FBXO9: variants seen among roughly 807,000 people sequenced by gnomAD.
FBXO9 encodes F-box only protein 9.
FBXO9 carries 43 observed loss-of-function variants against 63.7 expected under a neutral mutation model. That is an observed-to-expected ratio of 0.67 (90% CI 0.53 to 0.87). The LOEUF (loss-of-function observed/expected upper bound fraction) is 0.87. Among genes scored for constraint, FBXO9 ranks in the 40% least tolerant of loss-of-function variants. FBXO9 has a pLI of 0.00. For missense variants in FBXO9, 442 were observed against 533.2 expected (o/e 0.83, Z 1.68); for synonymous variants, 156 against 171.7 (o/e 0.91, Z 0.72).
chr6:53,068,172 A>C (rs1455051899), intron 1 of FBXO9, among the ~76,000 whole-genome samples: 1 of 152,172 alleles, frequency 6.6e-6, no homozygotes, highest in Non-Finnish European at 1.5e-5. Context: ...AGTAAAATTA[A>C]ATGGGTTTTA....
rs373071282 is a variant in FBXO9 at position 53,093,887 on chromosome 6, C to G, written c.962C>G (p.Thr321Ser). The G allele has an allele frequency of 9.8e-6, 15 of 1,531,864 alleles. No homozygotes were observed. The highest frequency in any genetic ancestry group is 1.3e-5 in the Non-Finnish European group (15 of 1,136,734). 94.9% of individuals were successfully genotyped at this position (1,531,864 alleles called of 1,614,324 possible). ...VPRLRTRNTR[T>S]DAILLGHYRL... ...TCAATTTGTTTTTTTTTTTTAAGGACTGATGCAATTCTACTGGGTCACTAT... is the reference window on the plus strand; with the variant it reads ...TCAATTTGTTTTTTTTTTTTAAGGAGTGATGCAATTCTACTGGGTCACTAT... The change falls in exon 11 of 13, where the codon ACT becomes AGT. Residue 321 changes from threonine to serine, a missense_variant and splice_region_variant. Coordinates refer to ENST00000323557, the MANE Select transcript of FBXO9 (RefSeq NM_033480.3).
rs2127502218 is a variant in FBXO9 at position 53,099,241 on chromosome 6, A to C, written c.*1411A>C. On this transcript the variant is annotated 3_prime_UTR_variant, in exon 13 of 13. Transcript: ENST00000323557. Reference sequence around the variant, plus strand: ...GTCTCTACAAAAAAAAAAAAAAAAAAAATTAGCCAAGTACAGTGGGGCACA... The same window carrying C: ...GTCTCTACAAAAAAAAAAAAAAAAACAATTAGCCAAGTACAGTGGGGCACA... The C allele has an allele frequency of 6.6e-6, 1 of 152,060 alleles. No individual in the cohort carries two copies. Among genetic ancestry groups the C allele is most frequent in the East Asian group, 1.9e-4 (1 of 5,162 alleles). The allele number at this position is 152,060 out of a possible 1,614,324, so 9.4% of individuals were successfully genotyped here.
chr6:53,071,169 A>AT (rs1339399289), intron 2 of FBXO9, 26 bp downstream of exon 2: 3 of 1,543,486 alleles, frequency 1.9e-6, no homozygotes, highest in Non-Finnish European at 2.6e-6. Context: ...TGTGTCTTTG[A>AT]TTTTTATTCC....
intron 12 of FBXO9, among the ~76,000 whole-genome samples, chr6:53,096,663 G>A (rs944879844): frequency 6.6e-6 from 1 of 152,016 alleles, no homozygotes; most frequent in Non-Finnish European, 1.5e-5. Flanking sequence ...CCAGGACTTT[G>A]GGGGGCCAAG....
chr6:53,078,958 C>T (rs1308874843), intron 5 of FBXO9, 60 bp downstream of exon 5: 7 of 1,204,974 alleles, frequency 5.8e-6, no homozygotes, highest in Non-Finnish European at 8.6e-6. Context: ...AGCATCTTTG[C>T]CCTGTTGACT....
At chr6:53,066,224 GA>G in intron 1 of FBXO9, 1 of 894,044 alleles carries the variant, frequency 1.1e-6, no homozygotes, top group Non-Finnish European at 1.3e-6. Flanking sequence ...CTCTTCTGCG[GA>G]AAAGCCAGGC....
intron 1 of FBXO9, among the ~76,000 whole-genome samples, chr6:53,067,574 T>G (rs904006334): frequency 6.6e-6 from 1 of 151,926 alleles, no homozygotes; most frequent in Non-Finnish European, 1.5e-5. Flanking sequence ...CAGGGGAAGC[T>G]CTTGAAGTCA....
intron 4 of FBXO9, among the ~76,000 whole-genome samples, chr6:53,078,412 C>G (rs558702434): frequency 6.6e-6 from 1 of 152,126 alleles, no homozygotes; most frequent in Admixed American, 6.5e-5. Flanking sequence ...GAGCCAAGAT[C>G]GTGCCAACTG....
At chr6:53,070,165 T>G (rs2127487115) in intron 1 of FBXO9, among the ~76,000 whole-genome samples, 1 of 151,514 alleles carries the variant, frequency 6.6e-6, no homozygotes, top group Non-Finnish European at 1.5e-5. Flanking sequence ...ACCACAGGCG[T>G]GTACCACCAC....
At position 53,100,700 on chromosome 6, in the gene FBXO9, A is replaced by G. The variant is rs1763324709; in HGVS notation, c.*2870A>G. On this transcript the variant is annotated 3_prime_UTR_variant, in exon 13 of 13. Transcript: ENST00000323557. ...TGTGCATCTATAAAAATGGGATTAT[A>G]TTGTACAGAATGCTTTGTAAGCTTT... The G allele has an allele frequency of 2.0e-5, 3 of 152,196 alleles. No individual in the cohort carries two copies. Among genetic ancestry groups the G allele is most frequent in the Admixed American group, 2.0e-4 (3 of 15,286 alleles). 9.4% of individuals were successfully genotyped at this position (152,196 alleles called of 1,614,324 possible). A position where few individuals can be genotyped will look rare whatever the true frequency, so the allele number is the denominator to read the frequency against.
At chr6:53,073,407 G>A in intron 2 of FBXO9, 74 bp from the exon 3 acceptor site, 1 of 1,231,968 alleles carries the variant, frequency 8.1e-7, no homozygotes, top group East Asian at 2.3e-5. Flanking sequence ...GATAGATGTT[G>A]GACATATTGA....
chr6:53,098,683 G>A lies in FBXO9; in HGVS notation c.*853G>A, dbSNP rs543409871. The A allele has an allele frequency of 7.2e-5, 11 of 152,160 alleles. No individual in the cohort carries two copies. Among genetic ancestry groups the A allele is most frequent in the Non-Finnish European group, 1.5e-4 (10 of 68,046 alleles). 9.4% of individuals were successfully genotyped at this position (152,160 alleles called of 1,614,324 possible). On this transcript the variant is annotated 3_prime_UTR_variant, in exon 13 of 13. Coordinates refer to ENST00000323557, the MANE Select transcript of FBXO9 (RefSeq NM_033480.3). ...TCATGTAGGCACCTTACCAATATATGACATTAAGTGAGAGTGAATCCCTTA... is the reference window on the plus strand; with the variant it reads ...TCATGTAGGCACCTTACCAATATATAACATTAAGTGAGAGTGAATCCCTTA...
At chr6:53,090,360 CTTGTAA>C (rs1460888997) in intron 7 of FBXO9, among the ~76,000 whole-genome samples, 1 of 152,158 alleles carries the variant, frequency 6.6e-6, no homozygotes, top group East Asian at 1.9e-4. Context: ...ATTCCATTAA[CTTGTAA>C]TTGTATGTGA....
chr6:53,076,546 A>G lies in FBXO9; in HGVS notation c.307+3A>G. The G allele has an allele frequency of 2.0e-6, 3 of 1,530,816 alleles. No homozygotes were observed. The highest frequency in any genetic ancestry group is 2.6e-6 in the Non-Finnish European group (3 of 1,149,762). 94.8% of individuals were successfully genotyped at this position (1,530,816 alleles called of 1,614,324 possible). ...ACAAAATGGAGCTCTCTATGAAGGT[A>G]AAAATTCAGAGCCCAGGTTCATATC... On this transcript the variant is annotated splice_donor_region_variant and intron_variant, in intron 4 of 12. Coordinates refer to ENST00000323557, the MANE Select transcript of FBXO9 (RefSeq NM_033480.3).
At chr6:53,093,434 T>A in intron 9 of FBXO9, 32 bp from the exon 10 acceptor site, 2 of 1,420,978 alleles carry the variant, frequency 1.4e-6, no homozygotes, top group South Asian at 2.3e-5. Context: ...GTGTGGGGGG[T>A]GTGTTTTGGT....
At chr6:53,087,584 A>G (rs561582558) in intron 7 of FBXO9, among the ~76,000 whole-genome samples, 1 of 152,300 alleles carries the variant, frequency 6.6e-6, no homozygotes, top group Non-Finnish European at 1.5e-5. Context: ...TATAAATCTG[A>G]GAAGCTTCAG....
chr6:53,092,268 A>G (rs146639284), intron 7 of FBXO9, 161 bp from the exon 8 acceptor site: 3 of 573,598 alleles, frequency 5.2e-6, no homozygotes, highest in African/African-American at 3.8e-5. Flanking sequence ...TTCCCACAGT[A>G]AAAGAGCAGG....
intron 11 of FBXO9, 108 bp from the exon 12 acceptor site, chr6:53,095,405 C>A: frequency 9.7e-7 from 1 of 1,033,336 alleles, no homozygotes; most frequent in Non-Finnish European, 1.4e-6. Context: ...CGACTCTTTA[C>A]TGCATGCAAA....
chr6:53,075,527 T>C (rs1169684141), intron 3 of FBXO9, among the ~76,000 whole-genome samples: 1 of 150,226 alleles, frequency 6.7e-6, no homozygotes. Context: ...ATTACAGGAG[T>C]GAGCCACTGC....
Sources: gnomAD v4.1 joint callset for allele counts (sites outside exome capture counted in the v4.1 genomes callset) on GRCh38, gnomAD v4.1.1 for gene constraint, MANE v1.5 for transcripts, NCBI Gene and HGNC (gene_info 2026-07-23, HGNC 2026-07-21) for gene names.